Variants in RAB7A observed in about 807,000 individuals in gnomAD.
The protein encoded by RAB7A is RAB7A, member RAS oncogene family, also known as ras-related protein Rab-7a.
A neutral mutation model predicts 24.5 loss-of-function variants in RAB7A; 2 were observed. That is an observed-to-expected ratio of 0.08 (90% CI 0.03 to 0.26). The LOEUF (loss-of-function observed/expected upper bound fraction) is 0.26, where lower values mean the gene tolerates loss of function less well. RAB7A is among the 10% of genes least tolerant of loss of function. The pLI, the probability that RAB7A is intolerant of heterozygous loss-of-function variation, is 1.00. For missense variants in RAB7A, 118 were observed against 255.7 expected (o/e 0.46, Z 3.67); for synonymous variants, 100 against 95.9 (o/e 1.04, Z -0.25).
At chr3:128,758,466 G>A (rs535441039) in intron 1 of RAB7A, among the ~76,000 whole-genome samples, 1 of 151,754 alleles carries the variant, frequency 6.6e-6, no homozygotes, top group Non-Finnish European at 1.5e-5. Flanking sequence ...TAGTAGAGAC[G>A]GGGTTTCATC....
At chr3:128,791,228 G>A (rs1234891204) in intron 1 of RAB7A, among the ~76,000 whole-genome samples, 2 of 151,684 alleles carry the variant, frequency 1.3e-5, no homozygotes, top group East Asian at 1.9e-4. Flanking sequence ...TGAAACCTCC[G>A]CCTCCTGAGT....
chr3:128,754,008 T>G (rs1336219764), intron 1 of RAB7A, among the ~76,000 whole-genome samples: 2 of 152,014 alleles, frequency 1.3e-5, no homozygotes, highest in Non-Finnish European at 2.9e-5. Flanking sequence ...CAGCACCAGA[T>G]GATTCAAAAG....
intron 1 of RAB7A, among the ~76,000 whole-genome samples, chr3:128,745,726 A>G (rs2070607104): frequency 6.6e-6 from 1 of 152,228 alleles, no homozygotes. Flanking sequence ...TGTTCCAGGA[A>G]ACACAGTCCA....
intron 5 of RAB7A, among the ~76,000 whole-genome samples, chr3:128,809,842 C>G (rs1362164040): frequency 6.6e-6 from 1 of 150,520 alleles, no homozygotes; most frequent in Non-Finnish European, 1.5e-5. Context: ...TTTCTGGTCT[C>G]TCCAGTCTGT....
At chr3:128,801,596 C>T (rs1030540942) in intron 3 of RAB7A, among the ~76,000 whole-genome samples, 2 of 152,064 alleles carry the variant, frequency 1.3e-5, no homozygotes, top group Non-Finnish European at 2.9e-5. Flanking sequence ...TTTGGAAATT[C>T]AGAGAATGCT....
chr3:128,734,707 G>A (rs753187730), intron 1 of RAB7A, among the ~76,000 whole-genome samples: 12 of 151,940 alleles, frequency 7.9e-5, no homozygotes, highest in South Asian at 2.1e-4. Context: ...ACATTCTATC[G>A]TACATATGCT....
intron 3 of RAB7A, among the ~76,000 whole-genome samples, chr3:128,805,728 C>T (rs939019243): frequency 6.6e-6 from 1 of 152,142 alleles, no homozygotes; most frequent in Non-Finnish European, 1.5e-5. Flanking sequence ...TCTTGGCTCA[C>T]CGCAACCTGC....
intron 1 of RAB7A, among the ~76,000 whole-genome samples, chr3:128,746,898 T>C (rs920614472): frequency 5.9e-5 from 9 of 151,764 alleles, no homozygotes; most frequent in Non-Finnish European, 7.3e-5. Flanking sequence ...AGGTGATAGA[T>C]ATATGTTAGT....
intron 1 of RAB7A, among the ~76,000 whole-genome samples, chr3:128,774,018 A>G (rs1173112218): frequency 1.3e-5 from 2 of 150,800 alleles, no homozygotes; most frequent in Non-Finnish European, 2.9e-5. Flanking sequence ...CCTTCCCTGC[A>G]CTATTGTCCT....
intron 3 of RAB7A, among the ~76,000 whole-genome samples, chr3:128,802,949 C>T (rs1458448118): frequency 6.6e-6 from 1 of 152,154 alleles, no homozygotes; most frequent in African/African-American, 2.4e-5. Flanking sequence ...GGATTACAGG[C>T]GCCTGCCACC....
intron 1 of RAB7A, among the ~76,000 whole-genome samples, chr3:128,783,157 G>C (rs1933257897): frequency 6.6e-6 from 1 of 152,126 alleles, no homozygotes; most frequent in Non-Finnish European, 1.5e-5. Flanking sequence ...ACTGGGATTA[G>C]GAATTTGGGG....
intron 1 of RAB7A, among the ~76,000 whole-genome samples, chr3:128,758,297 G>C (rs2070747797): frequency 7.4e-6 from 1 of 134,616 alleles, no homozygotes; most frequent in African/African-American, 2.9e-5. Flanking sequence ...TTTTGAGACA[G>C]AGTCTGGCTC....
chr3:128,777,575 T>A (rs1933125810), intron 1 of RAB7A, among the ~76,000 whole-genome samples: 1 of 152,182 alleles, frequency 6.6e-6, no homozygotes, highest in Non-Finnish European at 1.5e-5. Flanking sequence ...CTGTCTCCAA[T>A]CTGATGAAAC....
intron 1 of RAB7A, among the ~76,000 whole-genome samples, chr3:128,789,992 A>G (rs1300421552): frequency 2.6e-5 from 4 of 152,020 alleles, no homozygotes; most frequent in African/African-American, 7.3e-5. Flanking sequence ...GTGTTTCACC[A>G]TGTTGGCCAG....
rs1174944964 is a variant in RAB7A, at chr3:128,763,208, ATTT to A, written c.-8-32130_-8-32128del. 7.8e-4 allele frequency among the ~76,000 whole-genome samples: 59 copies of A among 76,050 alleles called. 1 individual carries two copies. In the East Asian group the frequency reaches 0.013, roughly 17 times the overall value. The allele number at this position is 76,050 out of a possible 152,430, so 49.9% of individuals were successfully genotyped here. A position where few individuals can be genotyped will look rare whatever the true frequency, so the allele number is the denominator to read the frequency against. On this transcript the variant is annotated intron_variant, in intron 1 of 5. Transcript: ENST00000265062. ...TTAGCTTATATATATATATATATATATTTTTTTTTTTTTTTTTTTTTTTTGAGA... is the reference window on the plus strand; with the variant it reads ...TTAGCTTATATATATATATATATATATTTTTTTTTTTTTTTTTTTTTGAGA...
At chr3:128,739,154 G>A (rs2070523547) in intron 1 of RAB7A, among the ~76,000 whole-genome samples, 1 of 152,298 alleles carries the variant, frequency 6.6e-6, no homozygotes, top group South Asian at 2.1e-4. Context: ...AGAGGCACTG[G>A]TAGGCAGTTA....
chr3:128,808,130 G>C (rs1309425168), intron 5 of RAB7A, among the ~76,000 whole-genome samples: 1 of 152,168 alleles, frequency 6.6e-6, no homozygotes, highest in Non-Finnish European at 1.5e-5. Context: ...GCCAAGGCGG[G>C]CTGATCACTT....
intron 1 of RAB7A, 124 bp from the exon 2 acceptor site, chr3:128,795,236 A>G: frequency 1.2e-6 from 1 of 812,188 alleles, no homozygotes; most frequent in Admixed American, 1.8e-5. Flanking sequence ...GGTGGAAGGA[A>G]GATACCTAGC....
Position 128,797,609 on chromosome 3 carries a change from A to G in RAB7A, c.54-334A>G, listed in dbSNP as rs9818003. Among the ~76,000 whole-genome samples, 8,136 of 152,292 alleles carry G rather than the reference A, an allele frequency of 0.053. 634 individuals are homozygous for G. The highest frequency in any genetic ancestry group is 0.17 in the African/African-American group (6,958 of 41,534). ...CTGTTGGAATAGCAGAACAGTCTTAATAGTGAAGCTTCTTTTAGAAAGCAG... is the reference window on the plus strand; with the variant it reads ...CTGTTGGAATAGCAGAACAGTCTTAGTAGTGAAGCTTCTTTTAGAAAGCAG... On this transcript the variant is annotated intron_variant, in intron 2 of 5. Coordinates refer to ENST00000265062, the MANE Select transcript of RAB7A (RefSeq NM_004637.6).
Sources: allele counts gnomAD v4.1 joint callset (sites outside exome capture counted in the v4.1 genomes callset), GRCh38; gene constraint gnomAD v4.1.1; transcripts MANE v1.5; gene names NCBI Gene and HGNC (gene_info 2026-07-23, HGNC 2026-07-21).